Variants in NEGR1 observed in about 807,000 individuals in gnomAD.
The protein encoded by NEGR1 is neuronal growth regulator 1.
NEGR1 carries 10 observed loss-of-function variants against 40.9 expected under a neutral mutation model. That is an observed-to-expected ratio of 0.24 (90% CI 0.15 to 0.42). NEGR1 has a LOEUF of 0.42. NEGR1 is among the 10% of genes least tolerant of loss of function. The pLI is 1.00. For missense variants in NEGR1, 352 were observed against 438.9 expected (o/e 0.80, Z 1.77); for synonymous variants, 185 against 166.8 (o/e 1.11, Z -0.84).
intron 6 of NEGR1, among the ~76,000 whole-genome samples, chr1:71,500,497 G>A (rs988377958): frequency 4.6e-5 from 7 of 151,936 alleles, no homozygotes; most frequent in Non-Finnish European, 8.8e-5. Flanking sequence ...TAAAAGGTCC[G>A]ATCTTCTTTG....
chr1:71,670,315 A>G (rs1652378708), intron 4 of NEGR1, among the ~76,000 whole-genome samples: 1 of 151,808 alleles, frequency 6.6e-6, no homozygotes, highest in Non-Finnish European at 1.5e-5. Flanking sequence ...TGCCTTGTTA[A>G]TGTTCTTTTG....
At chr1:72,236,232 T>G (rs1294050276) in intron 1 of NEGR1, among the ~76,000 whole-genome samples, 1 of 151,448 alleles carries the variant, frequency 6.6e-6, no homozygotes, top group East Asian at 1.9e-4. Flanking sequence ...ATTTGAACAA[T>G]GAGAACACAT....
chr1:72,281,395 TGCATGTGA>T (rs201784475), intron 1 of NEGR1, among the ~76,000 whole-genome samples: 1,912 of 152,176 alleles, frequency 0.013, 39 homozygotes, highest in African/African-American at 0.044. Flanking sequence ...GAAGTGCCAG[TGCATGTGA>T]GGATGTGAGA....
At chr1:71,906,274 C>T (rs920741513) in intron 2 of NEGR1, among the ~76,000 whole-genome samples, 2 of 152,022 alleles carry the variant, frequency 1.3e-5, no homozygotes, top group African/African-American at 4.8e-5. Context: ...AAAGATTGCA[C>T]ATTGGGTACC....
intron 1 of NEGR1, among the ~76,000 whole-genome samples, chr1:72,011,500 T>C (rs541783791): frequency 1.2e-4 from 18 of 152,228 alleles, no homozygotes; most frequent in African/African-American, 4.1e-4. Context: ...AATGGAAATA[T>C]TTCCAACATT....
intron 1 of NEGR1, among the ~76,000 whole-genome samples, chr1:72,005,503 T>C (rs994949255): frequency 6.6e-6 from 1 of 152,206 alleles, no homozygotes; most frequent in East Asian, 1.9e-4. Flanking sequence ...TTTTAATAAT[T>C]ATTTTGAAAT....
At chr1:71,613,699 T>C (rs1256978049) in intron 4 of NEGR1, among the ~76,000 whole-genome samples, 1 of 151,950 alleles carries the variant, frequency 6.6e-6, no homozygotes. Flanking sequence ...TTAGGAGTTG[T>C]ATGCATGCGT....
intron 1 of NEGR1, among the ~76,000 whole-genome samples, chr1:72,087,751 CTTTTTTT>C (rs1194408394): frequency 1.1e-5 from 1 of 95,108 alleles, no homozygotes; most frequent in South Asian, 3.8e-4. Flanking sequence ...TGCCACTGTG[CTTTTTTT>C]TTTTTTTTTT....
At chr1:72,060,471 C>A (rs766184158) in intron 1 of NEGR1, among the ~76,000 whole-genome samples, 1 of 151,642 alleles carries the variant, frequency 6.6e-6, no homozygotes, top group Non-Finnish European at 1.5e-5. Flanking sequence ...CTAACCTAAC[C>A]ATGTTAATCT....
At chr1:71,503,438 G>A (rs1451852628) in intron 6 of NEGR1, among the ~76,000 whole-genome samples, 1 of 152,146 alleles carries the variant, frequency 6.6e-6, no homozygotes, top group South Asian at 2.1e-4. Flanking sequence ...CAAAATAGGG[G>A]ACAGGAAGAT....
Position 71,403,906 on chromosome 1 carries a change from T to A in NEGR1, c.*3540A>T. On this transcript the variant is annotated 3_prime_UTR_variant, in exon 7 of 7. Coordinates refer to ENST00000357731, the MANE Select transcript of NEGR1 (RefSeq NM_173808.3). ...GGCATACCATTTATTCATATTCATA[T>A]CTATTGAAATACTGTACATCCACAT... 2.6e-6 allele frequency: 1 copy of A among 380,734 alleles called. No homozygotes were observed. Among genetic ancestry groups the A allele is most frequent in the Non-Finnish European group, 4.7e-6 (1 of 213,144 alleles). The allele number at this position is 380,734 out of a possible 1,614,324, so 23.6% of individuals were successfully genotyped here.
At chr1:71,578,735 A>G (rs1429321791) in intron 6 of NEGR1, among the ~76,000 whole-genome samples, 1 of 152,152 alleles carries the variant, frequency 6.6e-6, no homozygotes, top group Non-Finnish European at 1.5e-5. Flanking sequence ...GTGTACTAGA[A>G]AAAAGTTAGG....
intron 1 of NEGR1, among the ~76,000 whole-genome samples, chr1:72,064,687 A>G (rs1483981746): frequency 6.6e-6 from 1 of 152,098 alleles, no homozygotes; most frequent in Non-Finnish European, 1.5e-5. Context: ...GCAACCATTA[A>G]TCATCTAGAA....
intron 2 of NEGR1, among the ~76,000 whole-genome samples, chr1:71,886,687 G>C (rs1264475967): frequency 6.6e-6 from 1 of 152,086 alleles, no homozygotes; most frequent in African/African-American, 2.4e-5. Context: ...GCCTTAAACG[G>C]AGATATATAT....
At chr1:71,905,779 C>A (rs1238249028) in intron 2 of NEGR1, among the ~76,000 whole-genome samples, 1 of 149,818 alleles carries the variant, frequency 6.7e-6, no homozygotes, top group African/African-American at 2.5e-5. Context: ...AGAGGTTTAA[C>A]ACATTATTCC....
chr1:72,067,479 C>A (rs1647304528), intron 1 of NEGR1, among the ~76,000 whole-genome samples: 1 of 152,064 alleles, frequency 6.6e-6, no homozygotes, highest in Admixed American at 6.6e-5. Context: ...GACTAGATAT[C>A]TACTCCAGTT....
chr1:71,541,914 T>C (rs1647716939), intron 6 of NEGR1, among the ~76,000 whole-genome samples: 1 of 151,842 alleles, frequency 6.6e-6, no homozygotes, highest in Non-Finnish European at 1.5e-5. Context: ...ATTCTGGACT[T>C]ATTTATTCCT....
In NEGR1 at chr1:71,729,788, C is replaced by A. The variant is rs150040751; in HGVS notation, c.536-31649G>T. On this transcript the variant is annotated intron_variant, in intron 3 of 6. Coordinates refer to ENST00000357731, the MANE Select transcript of NEGR1 (RefSeq NM_173808.3). ...TAGCTGGGACCATAGGTGCATGCCA[C>A]CATCATGCCTGGCTAATTTTTGTTT... Among the ~76,000 whole-genome samples the A allele has an allele frequency of 1.9e-3, 281 of 151,798 alleles. 1 individual carries two copies. Among genetic ancestry groups the A allele is most frequent in the African/African-American group, 6.5e-3 (270 of 41,404 alleles).
chr1:71,976,032 A>G (rs1351857343), intron 1 of NEGR1, among the ~76,000 whole-genome samples: 1 of 152,204 alleles, frequency 6.6e-6, no homozygotes, highest in African/African-American at 2.4e-5. Context: ...ATCCGCGATA[A>G]ACATGATTTT....
Sources: allele counts gnomAD v4.1 joint callset (sites outside exome capture counted in the v4.1 genomes callset), GRCh38; gene constraint gnomAD v4.1.1; transcripts MANE v1.5; gene names NCBI Gene and HGNC (gene_info 2026-07-23, HGNC 2026-07-21).